TNRC6C: variants seen among roughly 807,000 people sequenced by gnomAD.
TNRC6C encodes the protein trinucleotide repeat-containing gene 6C protein.
TNRC6C carries 20 observed loss-of-function variants against 153.7 expected under a neutral mutation model. The ratio of observed to expected loss-of-function variants is 0.13; its 90% confidence interval spans 0.09 to 0.19. TNRC6C has a LOEUF of 0.19. Ranked by LOEUF, TNRC6C falls within the 10% of genes least tolerant of loss-of-function variation. The pLI, the probability that TNRC6C is intolerant of heterozygous loss-of-function variation, is 1.00. For missense variants in TNRC6C, 1,987 were observed against 2,172.0 expected, an observed-to-expected ratio of 0.91 and a Z score of 1.69; for synonymous variants, 811 against 841.4, an observed-to-expected ratio of 0.96 and a Z score of 0.63.
chr17:77,997,947 C>G (rs755776779), intron 1 of TNRC6C, among the ~76,000 whole-genome samples: 1 of 152,196 alleles, frequency 6.6e-6, no homozygotes, highest in African/African-American at 2.4e-5. Context: ...AGCCACTGCG[C>G]CTGGCCGACA....
At chr17:77,973,458 C>T (rs1160570018) in intron 1 of TNRC6C, among the ~76,000 whole-genome samples, 1 of 152,202 alleles carries the variant, frequency 6.6e-6, no homozygotes, top group East Asian at 1.9e-4. Context: ...CAGTTCAATG[C>T]TATTCAGCAC....
intron 5 of TNRC6C, among the ~76,000 whole-genome samples, chr17:78,069,143 A>G (rs943418893): frequency 2.6e-5 from 4 of 152,200 alleles, no homozygotes; most frequent in Non-Finnish European, 5.9e-5. Flanking sequence ...AACTGGAAAA[A>G]TATGTTTATA....
chr17:78,051,527 C>T, intron 3 of TNRC6C, 79 bp downstream of exon 5: 2 of 1,293,598 alleles, frequency 1.5e-6, no homozygotes, highest in Non-Finnish European at 2.0e-6. Flanking sequence ...TTCATGAATA[C>T]TCCGAGTAGT....
At chr17:77,982,853 C>T (rs1231816461) in intron 1 of TNRC6C, among the ~76,000 whole-genome samples, 6 of 152,030 alleles carry the variant, frequency 3.9e-5, no homozygotes, top group African/African-American at 1.4e-4. Flanking sequence ...AAGTTCAAAA[C>T]AAGTAGTAAG....
chr17:78,083,078 A>G (rs762149825), exon 11 of TNRC6C: 3 of 1,614,014 alleles, frequency 1.9e-6, no homozygotes, highest in East Asian at 4.5e-5. Flanking sequence ...TTTGCAGCAA[A>G]AAACATTGGT....
intron 5 of TNRC6C, among the ~76,000 whole-genome samples, chr17:78,069,049 A>G (rs959359561): frequency 7.2e-5 from 11 of 152,306 alleles, no homozygotes; most frequent in African/African-American, 2.4e-4. Context: ...AAGCCATAAA[A>G]TAAAATTTTT....
Position 78,049,263 on chromosome 17 carries a change from C to T in TNRC6C, c.201C>T (p.Val67=). The T allele has an allele frequency of 6.2e-7, 1 of 1,611,750 alleles. No homozygotes were observed. Among genetic ancestry groups the T allele is most frequent in the East Asian group, 2.2e-5 (1 of 44,870 alleles). Residue 67 remains valine (V), a synonymous_variant, in exon 3 of 20, where the codon GTC becomes GTT. Coordinates refer to ENST00000301624, the Ensembl canonical transcript of TNRC6C. The surrounding 1 kb of genome is among the most constrained non-coding windows in gnomAD (Gnocchi z 4.1). Reference sequence around the variant, plus strand: ...GCTCTGGCCTGGCTCACTGCTCTGTCAGTGGTGGGGATGGAAAAATGGACA... The same window carrying T: ...GCTCTGGCCTGGCTCACTGCTCTGTTAGTGGTGGGGATGGAAAAATGGACA...
upstream of TNRC6C, among the ~76,000 whole-genome samples, chr17:77,958,439 C>T (rs934573449): frequency 5.3e-5 from 8 of 151,910 alleles, no homozygotes; most frequent in Admixed American, 3.9e-4. Context: ...GCTCCCCGCG[C>T]GGTGCAGGGA....
chr17:78,038,333 C>T (rs1028448820), intron 2 of TNRC6C, among the ~76,000 whole-genome samples: 4 of 151,984 alleles, frequency 2.6e-5, no homozygotes, highest in South Asian at 2.1e-4. Flanking sequence ...AGAATGTGAA[C>T]GGGAAGATCA....
intron 7 of TNRC6C, 139 bp from the exon 10 acceptor site, chr17:78,074,997 G>T (rs1331892061): frequency 7.9e-6 from 9 of 1,133,400 alleles, no homozygotes; most frequent in Middle Eastern, 3.0e-4. Context: ...CAAAGCAAGG[G>T]CTCTCTCTGC....
intron 4 of TNRC6C, among the ~76,000 whole-genome samples, chr17:78,065,654 C>G (rs572522414): frequency 1.3e-5 from 2 of 152,154 alleles, no homozygotes; most frequent in African/African-American, 4.8e-5. Flanking sequence ...AGCAGCCTAA[C>G]GCATCTTGCC....
rs181111378 is a variant in TNRC6C at position 78,037,404 on chromosome 17, G to T, written c.-219+5562G>T. Among the ~76,000 whole-genome samples the T allele has an allele frequency of 4.3e-3, 649 of 152,328 alleles. 2 individuals carry two copies. Among genetic ancestry groups the T allele is most frequent in the Non-Finnish European group, 6.1e-3 (413 of 68,024 alleles). ...TGAAGTGTTTTGGAATAACCAATAA[G>T]TAAGTCAGCCACTTCAAGGTATTGT... On this transcript the variant is annotated intron_variant, in intron 2 of 19. Coordinates refer to ENST00000301624, the Ensembl canonical transcript of TNRC6C.
chr17:78,066,301 C>G (rs1297941409), intron 4 of TNRC6C: 3 of 150,656 alleles, frequency 2.0e-5, no homozygotes, highest in Non-Finnish European at 4.4e-5. Flanking sequence ...ATTAGATGTC[C>G]TAGATCTTAA....
At position 78,091,484 on chromosome 17, in the gene TNRC6C, G is replaced by A. The variant is rs117323783; in HGVS notation, c.3847G>A (p.Gly1283Ser). The A allele has an allele frequency of 4.5e-4, 727 of 1,607,484 alleles. 13 individuals are homozygous for A. The East Asian group carries it at 0.016, about 35-fold the overall frequency. The change falls in exon 14 of 20, where the codon GGT (glycine) becomes AGT (serine). Residue 1283 changes from glycine to serine, a missense_variant. Physicochemically the swap from Gly to Ser is moderately conservative, Grantham distance 56. Coordinates refer to ENST00000301624, the Ensembl canonical transcript of TNRC6C. The stretch of plus-strand genomic sequence containing the variant: ...GAATGTCAACAGCATGGACATGACC[G>A]GTGGCTTGTCGGTGAAGGACCCATC...
chr17:77,959,070 C>T (rs1273167027), upstream of TNRC6C, among the ~76,000 whole-genome samples: 1 of 144,846 alleles, frequency 6.9e-6, no homozygotes, highest in Non-Finnish European at 1.5e-5. Flanking sequence ...GACGCGCCGC[C>T]GCCCACTCGC....
chr17:78,052,459 C>T (rs2072556904), intron 3 of TNRC6C, among the ~76,000 whole-genome samples: 1 of 152,070 alleles, frequency 6.6e-6, no homozygotes, highest in Non-Finnish European at 1.5e-5. Context: ...ATGGAGGGGT[C>T]TAGATCTAGT....
At chr17:78,052,836 C>T (rs2072564492) in intron 3 of TNRC6C, among the ~76,000 whole-genome samples, 1 of 152,202 alleles carries the variant, frequency 6.6e-6, no homozygotes, top group African/African-American at 2.4e-5. Flanking sequence ...CTCCAGCTAA[C>T]GCATCAGTGT....
At chr17:78,081,031 T>A (rs2144412578) in intron 10 of TNRC6C, among the ~76,000 whole-genome samples, 1 of 152,308 alleles carries the variant, frequency 6.6e-6, no homozygotes, top group Middle Eastern at 3.4e-3. Context: ...AATGTATTGC[T>A]TGCAGTTCTG....
At chr17:77,968,249 G>T (rs1483064468) in intron 1 of TNRC6C, among the ~76,000 whole-genome samples, 1 of 151,978 alleles carries the variant, frequency 6.6e-6, no homozygotes, top group East Asian at 1.9e-4. Flanking sequence ...GGCCAGGCTG[G>T]TCTCAAACTC....
Sources: gnomAD v4.1 joint callset for allele counts (sites outside exome capture counted in the v4.1 genomes callset) on GRCh38, gnomAD v4.1.1 for gene constraint, Gnocchi (gnomAD v3.1) non-coding constraint, MANE v1.5 for transcripts, NCBI Gene and HGNC (gene_info 2026-07-23, HGNC 2026-07-21) for gene names.